The following THSD7B variants were observed in gnomAD, a reference collection of about 807,000 sequenced individuals.
THSD7B encodes thrombospondin type 1 domain containing 7B.
In THSD7B, 138 loss-of-function variants were observed where a neutral mutation model predicts 213.6. That is an observed-to-expected ratio of 0.65 (90% CI 0.56 to 0.74). THSD7B has a LOEUF of 0.74. Ranked by LOEUF, THSD7B falls within the 30% of genes least tolerant of loss-of-function variation. The pLI is 0.00. For synonymous variants in THSD7B, 742 were observed against 687.0 expected (o/e 1.08, Z -1.25); for missense variants, 1,931 against 1,991.5 (o/e 0.97, Z 0.58).
chr2:137,174,821 T>C (rs1224941927), intron 7 of THSD7B, among the ~76,000 whole-genome samples: 1 of 152,214 alleles, frequency 6.6e-6, no homozygotes, highest in African/African-American at 2.4e-5. Context: ...TACGGAGCGT[T>C]GAATATGCAT....
In THSD7B at chr2:137,615,250, G is replaced by C. The variant is rs1305431232; in HGVS notation, c.3424-925G>C. ...GGTTAGCACCTGAGGATATATGTAT[G>C]TATATGTGTTTAGAAGCAGTTCTAT... On this transcript the variant is annotated intron_variant, in intron 17 of 27. Transcript: ENST00000409968. 2.0e-5 allele frequency among the ~76,000 whole-genome samples: 3 copies of C among 152,198 alleles called. No individual in the cohort carries two copies. In the East Asian group the frequency reaches 5.8e-4, roughly 29 times the overall value.
intron 21 of THSD7B, among the ~76,000 whole-genome samples, chr2:137,646,487 C>CAAAAAAA (rs35479231): frequency 5.3e-5 from 5 of 93,706 alleles, no homozygotes; most frequent in African/African-American, 1.2e-4. Context: ...ACTACAAATA[C>CAAAAAAA]AAAAAAAAAA....
intron 21 of THSD7B, among the ~76,000 whole-genome samples, chr2:137,651,948 T>G (rs962838404): frequency 2.0e-5 from 3 of 152,128 alleles, no homozygotes; most frequent in Admixed American, 1.3e-4. Context: ...TTTGGATTTG[T>G]TGAAACTTGC....
chr2:136,981,705 A>T (rs1444865935), intron 2 of THSD7B, among the ~76,000 whole-genome samples: 2 of 152,248 alleles, frequency 1.3e-5, no homozygotes, highest in East Asian at 3.9e-4. Context: ...TTTCCTCTTT[A>T]TCATCAACTT....
intron 1 of THSD7B, among the ~76,000 whole-genome samples, chr2:136,790,748 C>G (rs551501352): frequency 3.3e-4 from 50 of 151,906 alleles, no homozygotes; most frequent in Admixed American, 3.3e-4. Context: ...AAATACAGAT[C>G]AACAAAAAGA....
intron 14 of THSD7B, among the ~76,000 whole-genome samples, chr2:137,442,679 T>C (rs1198242013): frequency 6.6e-6 from 1 of 152,080 alleles, no homozygotes; most frequent in African/African-American, 2.4e-5. Flanking sequence ...CACATTTTAT[T>C]GGCTAAAACA....
At chr2:137,610,376 G>A (rs1369932117) in intron 17 of THSD7B, among the ~76,000 whole-genome samples, 7 of 152,096 alleles carry the variant, frequency 4.6e-5, no homozygotes, top group Non-Finnish European at 2.9e-5. Context: ...GGAAGGCATG[G>A]CTAGGGTAAA....
rs573445620 is a variant in THSD7B, at chr2:137,193,160, G to A, written c.1723+22222G>A. Among the ~76,000 whole-genome samples the A allele has an allele frequency of 1.3e-4, 20 of 152,218 alleles. No individual in the cohort carries two copies. In the South Asian group the frequency reaches 3.9e-3, roughly 30 times the overall value. On this transcript the variant is annotated intron_variant, in intron 7 of 27. Coordinates refer to ENST00000409968, the MANE Select transcript of THSD7B (RefSeq NM_001316349.2). ...CCTCTCCACCGTCCAGTAACCTGAT[G>A]AGTCACCCTGCCACGCCAGGGGTTA...
At chr2:136,962,852 A>AT (rs1000765495) in intron 2 of THSD7B, among the ~76,000 whole-genome samples, 63 of 151,862 alleles carry the variant, frequency 4.1e-4, no homozygotes, top group East Asian at 1.7e-3. Context: ...GGGTCTTTAA[A>AT]TTTTTTTTTG....
intron 2 of THSD7B, chr2:136,991,029 A>T (rs1374217152): frequency 3.9e-6 from 4 of 1,026,344 alleles, no homozygotes; most frequent in Non-Finnish European, 5.4e-6. Context: ...CCAAAAAAGG[A>T]GAAAGAAAGA....
intron 2 of THSD7B, among the ~76,000 whole-genome samples, chr2:136,913,862 A>G (rs1234665059): frequency 6.6e-6 from 1 of 152,244 alleles, no homozygotes; most frequent in Non-Finnish European, 1.5e-5. Flanking sequence ...GCAGTGCAGA[A>G]GGGAAATGTG....
chr2:137,225,627 A>C (rs998951939), intron 7 of THSD7B, among the ~76,000 whole-genome samples: 1 of 152,178 alleles, frequency 6.6e-6, no homozygotes, highest in African/African-American at 2.4e-5. Flanking sequence ...TAATGATATT[A>C]ATATGAATAT....
chr2:136,966,572 CA>C, intron 2 of THSD7B, among the ~76,000 whole-genome samples: 1 of 152,202 alleles, frequency 6.6e-6, no homozygotes, highest in Admixed American at 6.5e-5. Context: ...ACATTTTGAG[CA>C]GTCACATTTT....
chr2:137,353,580 A>G (rs1277094255), intron 12 of THSD7B, among the ~76,000 whole-genome samples: 1 of 152,152 alleles, frequency 6.6e-6, no homozygotes, highest in East Asian at 1.9e-4. Context: ...TCATTCTTCC[A>G]GATCTTCTAA....
intron 3 of THSD7B, among the ~76,000 whole-genome samples, chr2:137,093,109 A>G (rs1687980995): frequency 1.3e-5 from 2 of 152,248 alleles, no homozygotes; most frequent in African/African-American, 2.4e-5. Flanking sequence ...GACAAAAGGA[A>G]CAGAATGCCA....
chr2:137,115,300 A>C lies in THSD7B; in HGVS notation c.1369+7A>C, dbSNP rs1212143688. 1 of 1,544,848 alleles carries C rather than the reference A, an allele frequency of 6.5e-7. No individual in the cohort carries two copies. The highest frequency in any genetic ancestry group is 8.7e-7 in the Non-Finnish European group (1 of 1,148,870). On this transcript the variant is annotated splice_region_variant and intron_variant, in intron 5 of 27. Transcript: ENST00000409968. ...GCACTGAGGGCCAAGGAAGGTAGGC[A>C]GCCAGTTCCGGGACAGATGGTGCAC...
At chr2:137,333,477 C>A (rs745457352) in intron 12 of THSD7B, among the ~76,000 whole-genome samples, 8 of 152,194 alleles carry the variant, frequency 5.3e-5, no homozygotes, top group Non-Finnish European at 1.0e-4. Flanking sequence ...TTTCCTCCCT[C>A]AATCCAGCTC....
intron 2 of THSD7B, among the ~76,000 whole-genome samples, chr2:136,900,652 C>T (rs1684048385): frequency 6.6e-6 from 1 of 152,134 alleles, no homozygotes; most frequent in Non-Finnish European, 1.5e-5. Flanking sequence ...CCAGGGAGCA[C>T]TATTTTGCAC....
In THSD7B at chr2:137,615,920, C is replaced by G. The variant is rs149673124; in HGVS notation, c.3424-255C>G. Among the ~76,000 whole-genome samples the G allele has an allele frequency of 3.8e-3, 575 of 152,076 alleles. 1 individual carries two copies. The highest frequency in any genetic ancestry group is 0.013 in the African/African-American group (544 of 41,482). On this transcript the variant is annotated intron_variant, in intron 17 of 27. Coordinates refer to ENST00000409968, the MANE Select transcript of THSD7B (RefSeq NM_001316349.2). ...TGAGTTTAAATGATAGAAATAGTCT[C>G]CGTGTGCTTAATTATATACGGGAGA... is the stretch of plus-strand genomic sequence containing the variant.
Sources: allele counts gnomAD v4.1 joint callset (sites outside exome capture counted in the v4.1 genomes callset), GRCh38; gene constraint gnomAD v4.1.1; transcripts MANE v1.5; gene names NCBI Gene and HGNC (gene_info 2026-07-23, HGNC 2026-07-21).